The following RPSA2 variants were observed in gnomAD, a reference collection of about 807,000 sequenced individuals.
The protein encoded by RPSA2 is small ribosomal subunit protein uS2B.
the RPSA2 span, among the ~76,000 whole-genome samples, chr19:23,826,075 T>G: frequency 1.8e-4 from 27 of 151,844 alleles, no homozygotes; most frequent in African/African-American, 6.3e-4. Context: ...AAATATTTAG[T>G]CATATCAATT....
the RPSA2 span, among the ~76,000 whole-genome samples, chr19:23,822,728 G>T: frequency 6.6e-6 from 1 of 152,116 alleles, no homozygotes; most frequent in Non-Finnish European, 1.5e-5. Context: ...CCTTTAGGGT[G>T]TAGCCTGGGG....
the RPSA2 span, chr19:23,827,054 A>G: frequency 2.9e-6 from 2 of 699,928 alleles, no homozygotes; most frequent in East Asian, 5.4e-5. Flanking sequence ...CATTGCTTTT[A>G]CCTATTTGCT....
chr19:23,804,755 C>G, the RPSA2 span, among the ~76,000 whole-genome samples: 1 of 152,138 alleles, frequency 6.6e-6, no homozygotes, highest in Non-Finnish European at 1.5e-5. Context: ...TTTATAAGCT[C>G]ATTAAAGCTT....
the RPSA2 span, among the ~76,000 whole-genome samples, chr19:23,791,747 TC>T: frequency 7.4e-6 from 1 of 135,192 alleles, no homozygotes; most frequent in East Asian, 2.2e-4. Flanking sequence ...TTTTTTTTTT[TC>T]TTATTGAGAT....
chr19:23,856,295 C>A, the RPSA2 span, among the ~76,000 whole-genome samples: 1 of 152,146 alleles, frequency 6.6e-6, no homozygotes, highest in Non-Finnish European at 1.5e-5. Context: ...CTTACACCAA[C>A]ACGATCCCAT....
the RPSA2 span, among the ~76,000 whole-genome samples, chr19:23,855,931 T>C: frequency 6.6e-6 from 1 of 152,112 alleles, no homozygotes; most frequent in South Asian, 2.1e-4. Flanking sequence ...AGCATAGATA[T>C]GGTCCTGGGC....
the RPSA2 span, among the ~76,000 whole-genome samples, chr19:23,788,786 C>A: frequency 6.6e-6 from 1 of 152,124 alleles, no homozygotes; most frequent in African/African-American, 2.4e-5. Context: ...CTGGGCCCTG[C>A]CCACAGGTGG....
At chr19:23,830,480 A>C in the RPSA2 span, among the ~76,000 whole-genome samples, 4 of 152,150 alleles carry the variant, frequency 2.6e-5, no homozygotes, top group Admixed American at 2.6e-4. Flanking sequence ...TTCAAAGATA[A>C]TCTTTTTGTC....
At chr19:23,787,174 G>A in the RPSA2 span, among the ~76,000 whole-genome samples, 6 of 152,006 alleles carry the variant, frequency 3.9e-5, no homozygotes, top group South Asian at 2.1e-4. Flanking sequence ...TTGTGACATC[G>A]CTGGGCCCTG....
At chr19:23,813,774 G>GT in the RPSA2 span, among the ~76,000 whole-genome samples, 1 of 147,502 alleles carries the variant, frequency 6.8e-6, no homozygotes, top group Non-Finnish European at 1.5e-5. Context: ...CCAGGCTGGA[G>GT]TGCAGTGGCA....
chr19:23,800,218 T>TTA, the RPSA2 span, among the ~76,000 whole-genome samples: 1 of 151,460 alleles, frequency 6.6e-6, no homozygotes, highest in African/African-American at 2.4e-5. Context: ...TATTTTTTTT[T>TTA]ATTTTAGTAG....
At chr19:23,821,087 AT>A in the RPSA2 span, among the ~76,000 whole-genome samples, 2 of 152,184 alleles carry the variant, frequency 1.3e-5, no homozygotes, top group Non-Finnish European at 2.9e-5. Context: ...TTACGTGAGG[AT>A]TTTTACATAG....
the RPSA2 span, among the ~76,000 whole-genome samples, chr19:23,810,113 G>T: frequency 6.6e-6 from 1 of 152,068 alleles, no homozygotes; most frequent in Non-Finnish European, 1.5e-5. Context: ...GCTTGGATAG[G>T]CTGGGTGCGG....
the RPSA2 span, among the ~76,000 whole-genome samples, chr19:23,801,257 G>A: frequency 6.0e-5 from 9 of 149,176 alleles, no homozygotes; most frequent in East Asian, 1.8e-3. Flanking sequence ...GGAGGGTTGG[G>A]GGGGATGGAG....
the RPSA2 span, among the ~76,000 whole-genome samples, chr19:23,867,689 G>A: frequency 2.0e-5 from 3 of 152,122 alleles, no homozygotes; most frequent in African/African-American, 4.8e-5. Flanking sequence ...AATTAGCCGG[G>A]CGTGGTGGCG....
the RPSA2 span, among the ~76,000 whole-genome samples, chr19:23,838,810 C>G: frequency 0.12 from 17,686 of 152,020 alleles, 1,091 homozygotes; most frequent in East Asian, 0.22. Flanking sequence ...AGTTTCATTT[C>G]TCAGTGAGGT....
chr19:23,813,572 AAT>A, the RPSA2 span, among the ~76,000 whole-genome samples: 1 of 152,080 alleles, frequency 6.6e-6, no homozygotes, highest in Non-Finnish European at 1.5e-5. Flanking sequence ...CATTGTATCA[AAT>A]ATGTCTTGAA....
the RPSA2 span, among the ~76,000 whole-genome samples, chr19:23,857,011 G>T: frequency 1.3e-5 from 2 of 152,252 alleles, no homozygotes; most frequent in South Asian, 4.1e-4. Context: ...CCCAATCCTA[G>T]TAAGCCTGAG....
chr19:23,832,846 C>T, the RPSA2 span: 2 of 1,580,226 alleles, frequency 1.3e-6, no homozygotes, highest in South Asian at 2.2e-5. Flanking sequence ...GTCCTCAACC[C>T]TTACTACACA....
Sources: allele counts gnomAD v4.1 joint callset (sites outside exome capture counted in the v4.1 genomes callset), GRCh38; gene constraint gnomAD v4.1.1; transcripts MANE v1.5; gene names NCBI Gene and HGNC (gene_info 2026-07-23, HGNC 2026-07-21).